Variants in SND1 observed in about 807,000 individuals in gnomAD.
SND1 encodes staphylococcal nuclease domain-containing protein 1.
Under a neutral mutation model 121.7 loss-of-function variants are expected in SND1, and 38 were observed. That is an observed-to-expected ratio of 0.31 (90% CI 0.24 to 0.41). The LOEUF is 0.41. SND1 is among the 10% of genes least tolerant of loss of function. The probability of loss-of-function intolerance (pLI) is 1.00; values close to 1 mark genes in which losing one functional copy is unlikely to be tolerated. For missense variants in SND1, 868 were observed against 1,184.6 expected (o/e 0.73, Z 3.92); for synonymous variants, 401 against 447.4 (o/e 0.90, Z 1.31).
chr7:127,769,792 A>G (rs1797482888), intron 10 of SND1, among the ~76,000 whole-genome samples: 1 of 152,206 alleles, frequency 6.6e-6, no homozygotes, highest in South Asian at 2.1e-4. Context: ...TTCCATTACA[A>G]AGGCAACTGT....
chr7:127,891,930 T>C (rs1311828082), intron 13 of SND1, among the ~76,000 whole-genome samples: 1 of 152,138 alleles, frequency 6.6e-6, no homozygotes, highest in Non-Finnish European at 1.5e-5. Flanking sequence ...TATCAGTCAT[T>C]CGTTCTGACA....
At chr7:127,943,899 G>A (rs530561583) in intron 15 of SND1, among the ~76,000 whole-genome samples, 16 of 152,300 alleles carry the variant, frequency 1.1e-4, no homozygotes, top group South Asian at 8.3e-4. Context: ...TTGTTAACCC[G>A]TTGGAGGGCT....
chr7:127,734,955 A>C (rs1289459932), intron 10 of SND1, among the ~76,000 whole-genome samples: 2 of 152,234 alleles, frequency 1.3e-5, no homozygotes, highest in Admixed American at 6.5e-5. Context: ...TGATGGGCCA[A>C]GGGCATTCTT....
intron 11 of SND1, among the ~76,000 whole-genome samples, chr7:127,834,787 A>G (rs1010837230): frequency 6.6e-6 from 1 of 152,166 alleles, no homozygotes; most frequent in Admixed American, 6.5e-5. Context: ...TTCCTTTGAC[A>G]TCATTATATA....
At chr7:127,873,686 G>C (rs1271994453) in intron 12 of SND1, among the ~76,000 whole-genome samples, 2 of 152,124 alleles carry the variant, frequency 1.3e-5, no homozygotes, top group African/African-American at 4.8e-5. Context: ...CCAGACTGGA[G>C]TGCAGTGGCC....
intron 10 of SND1, among the ~76,000 whole-genome samples, chr7:127,734,385 C>T (rs1040993904): frequency 1.3e-5 from 2 of 152,138 alleles, no homozygotes; most frequent in African/African-American, 4.8e-5. Flanking sequence ...CTGCTATTTA[C>T]AGTTTCAGGT....
chr7:128,018,651 C>G (rs3808061), intron 16 of SND1, among the ~76,000 whole-genome samples: 60,485 of 151,922 alleles, frequency 0.4, 12,377 homozygotes, highest in South Asian at 0.5. Flanking sequence ...GCTCTCTGGC[C>G]GGGCTGCCTG....
intron 10 of SND1, among the ~76,000 whole-genome samples, chr7:127,762,703 G>A (rs1300513235): frequency 6.6e-6 from 1 of 152,216 alleles, no homozygotes; most frequent in Non-Finnish European, 1.5e-5. Context: ...ACTCAAGTTT[G>A]TCTTGATATG....
At chr7:128,065,613 A>G (rs957852531) in intron 16 of SND1, among the ~76,000 whole-genome samples, 1 of 152,210 alleles carries the variant, frequency 6.6e-6, no homozygotes, top group East Asian at 1.9e-4. Flanking sequence ...AAAGAGGCCA[A>G]CTGTCTTCTC....
intron 16 of SND1, chr7:128,030,335 C>T (rs1179659902): frequency 1.2e-6 from 2 of 1,613,978 alleles, no homozygotes; most frequent in African/African-American, 2.7e-5. Context: ...ACTGCAGGAC[C>T]TCCAGGTGGT....
intron 10 of SND1, among the ~76,000 whole-genome samples, chr7:127,777,508 C>T (rs1185727401): frequency 2.0e-5 from 3 of 152,046 alleles, no homozygotes; most frequent in Non-Finnish European, 4.4e-5. Context: ...TTTGGTTGTC[C>T]ATATTTGGGG....
intron 15 of SND1, among the ~76,000 whole-genome samples, chr7:127,977,803 T>C (rs1802158652): frequency 1.3e-5 from 2 of 151,736 alleles, no homozygotes; most frequent in African/African-American, 2.4e-5. Flanking sequence ...GAAGGGAAAA[T>C]AATGGAATCA....
chr7:127,907,143 G>A (rs1394596059), intron 14 of SND1, among the ~76,000 whole-genome samples: 2 of 152,202 alleles, frequency 1.3e-5, no homozygotes, highest in Non-Finnish European at 2.9e-5. Flanking sequence ...TGTCAGATAT[G>A]ACCTTGTCTG....
intron 1 of SND1, among the ~76,000 whole-genome samples, chr7:127,683,613 ACAGT>A (rs987720236): frequency 2.0e-5 from 3 of 152,210 alleles, no homozygotes; most frequent in Non-Finnish European, 4.4e-5. Context: ...ATAACTGTGT[ACAGT>A]CAGTCTTTTC....
intron 15 of SND1, among the ~76,000 whole-genome samples, chr7:127,984,363 CTTTG>C (rs746156939): frequency 5.3e-5 from 8 of 152,180 alleles, no homozygotes; most frequent in Non-Finnish European, 7.3e-5. Context: ...CTATGCTATA[CTTTG>C]TTTAATCCTT....
intron 10 of SND1, among the ~76,000 whole-genome samples, chr7:127,762,839 TTG>T (rs1373887640): frequency 6.6e-6 from 1 of 152,218 alleles, no homozygotes; most frequent in Non-Finnish European, 1.5e-5. Flanking sequence ...TAAGGAATAA[TTG>T]TAAAAGAAAT....
At chr7:127,750,697 T>C (rs1183929208) in intron 10 of SND1, among the ~76,000 whole-genome samples, 2 of 152,182 alleles carry the variant, frequency 1.3e-5, no homozygotes, top group Admixed American at 1.3e-4. Flanking sequence ...TCGTGTGTCA[T>C]GTCGATGCCC....
intron 1 of SND1, among the ~76,000 whole-genome samples, chr7:127,655,377 C>T (rs1795193366): frequency 6.6e-6 from 1 of 152,238 alleles, no homozygotes; most frequent in Non-Finnish European, 1.5e-5. Context: ...ATGTTGACAC[C>T]TGTGTCTGCT....
intron 16 of SND1, among the ~76,000 whole-genome samples, chr7:128,063,235 G>T (rs1260046779): frequency 6.6e-6 from 1 of 152,178 alleles, no homozygotes; most frequent in Non-Finnish European, 1.5e-5. Context: ...CCGGAGGGAG[G>T]CACACACGGC....
Sources: allele counts gnomAD v4.1 joint callset (sites outside exome capture counted in the v4.1 genomes callset), GRCh38; gene constraint gnomAD v4.1.1; transcripts MANE v1.5; gene names NCBI Gene and HGNC (gene_info 2026-07-23, HGNC 2026-07-21).